PPTC7: variants seen among roughly 807,000 people sequenced by gnomAD.
PPTC7 encodes protein phosphatase targeting COQ7.
A neutral mutation model predicts 30.8 loss-of-function variants in PPTC7; 6 were observed. That is an observed-to-expected ratio of 0.19 (90% CI 0.11 to 0.38). The LOEUF (loss-of-function observed/expected upper bound fraction) is 0.38. PPTC7 is among the 10% of genes least tolerant of loss of function. PPTC7 has a pLI of 1.00. For missense variants in PPTC7, 218 were observed against 404.8 expected, an observed-to-expected ratio of 0.54 and a Z score of 3.96; for synonymous variants, 163 against 168.1, an observed-to-expected ratio of 0.97 and a Z score of 0.23.
At chr12:110,578,543 T>C (rs1275091256) in intron 1 of PPTC7, among the ~76,000 whole-genome samples, 1 of 152,158 alleles carries the variant, frequency 6.6e-6, no homozygotes, top group Non-Finnish European at 1.5e-5. Context: ...TATTAGTCAC[T>C]GCATGACTAA....
intron 1 of PPTC7, 34 bp from the exon 2 acceptor site, chr12:110,552,002 A>C (rs1453346994): frequency 6.4e-7 from 1 of 1,562,966 alleles, no homozygotes; most frequent in East Asian, 2.3e-5. Flanking sequence ...GTAAAAGAAC[A>C]ATCTTACCAA....
intron 1 of PPTC7, among the ~76,000 whole-genome samples, chr12:110,555,407 T>C (rs2064377967): frequency 6.6e-6 from 1 of 152,222 alleles, no homozygotes; most frequent in African/African-American, 2.4e-5. Context: ...GAAAGAAGAC[T>C]GGCCATGAAT....
At chr12:110,580,347 TA>T (rs2064626275) in intron 1 of PPTC7, among the ~76,000 whole-genome samples, 1 of 152,222 alleles carries the variant, frequency 6.6e-6, no homozygotes, top group Non-Finnish European at 1.5e-5. Context: ...AATTTTATTG[TA>T]TTTTTTTTGA....
intron 1 of PPTC7, among the ~76,000 whole-genome samples, chr12:110,582,464 G>A (rs1006404978): frequency 2.6e-5 from 4 of 152,192 alleles, no homozygotes; most frequent in African/African-American, 4.8e-5. Flanking sequence ...GGAGCCTGCA[G>A]GTGTCGCCCA....
intron 1 of PPTC7, 64 bp from the exon 2 acceptor site, chr12:110,552,032 T>A (rs927262458): frequency 7.4e-7 from 1 of 1,358,072 alleles, no homozygotes; most frequent in Non-Finnish European, 1.0e-6. Context: ...AATTCTTACC[T>A]CTGTTTTCTC....
chr12:110,563,971 T>A (rs767714859), intron 1 of PPTC7, among the ~76,000 whole-genome samples: 1 of 152,244 alleles, frequency 6.6e-6, no homozygotes, highest in Non-Finnish European at 1.5e-5. Flanking sequence ...ATGTTCTTCC[T>A]TTAACTTCAA....
At chr12:110,548,215 C>T (rs1448523679) in intron 2 of PPTC7, among the ~76,000 whole-genome samples, 1 of 151,938 alleles carries the variant, frequency 6.6e-6, no homozygotes, top group Non-Finnish European at 1.5e-5. Context: ...TTATTCTATG[C>T]ACACATACAC....
At chr12:110,570,933 T>G (rs984351923) in intron 1 of PPTC7, among the ~76,000 whole-genome samples, 1 of 152,226 alleles carries the variant, frequency 6.6e-6, no homozygotes, top group Admixed American at 6.5e-5. Context: ...CTCTGTGTAT[T>G]TTTCTTTTCC....
chr12:110,564,877 T>TACACGTTATATATATA (rs1288351192), intron 1 of PPTC7, among the ~76,000 whole-genome samples: 8 of 149,494 alleles, frequency 5.4e-5, no homozygotes, highest in African/African-American at 1.5e-4. Flanking sequence ...TATATATACA[T>TACACGTTATATATATA]TGTTTTTTTT....
chr12:110,543,208 A>T (rs2064277117), intron 3 of PPTC7, among the ~76,000 whole-genome samples: 2 of 152,234 alleles, frequency 1.3e-5, no homozygotes, highest in African/African-American at 4.8e-5. Flanking sequence ...ATGAGGATTC[A>T]CACTAAATGC....
chr12:110,564,877 T>C (rs961085130), intron 1 of PPTC7, among the ~76,000 whole-genome samples: 2 of 149,502 alleles, frequency 1.3e-5, no homozygotes, highest in African/African-American at 5.0e-5. Flanking sequence ...TATATATACA[T>C]TGTTTTTTTT....
intron 1 of PPTC7, among the ~76,000 whole-genome samples, chr12:110,562,784 C>A (rs759798094): frequency 6.8e-6 from 1 of 146,488 alleles, no homozygotes; most frequent in Non-Finnish European, 1.5e-5. Context: ...CAAAGCGAGA[C>A]TCTGTCTCAA....
At chr12:110,580,992 C>T (rs2064632384) in intron 1 of PPTC7, among the ~76,000 whole-genome samples, 1 of 152,052 alleles carries the variant, frequency 6.6e-6, no homozygotes, top group Non-Finnish European at 1.5e-5. Context: ...CCTCATGATC[C>T]ACCCGCCTCA....
chr12:110,572,864 T>A lies in PPTC7; in HGVS notation c.223+9945A>T, dbSNP rs548376157. On this transcript the variant is annotated intron_variant, in intron 1 of 5. Coordinates refer to ENST00000354300, the MANE Select transcript of PPTC7 (RefSeq NM_139283.2). Reference sequence around the variant, plus strand: ...CTGGAGGACCTATCGTAATCTTTTTTAAGTTTTTATTTATTTATTTATTTA... The same window carrying A: ...CTGGAGGACCTATCGTAATCTTTTTAAAGTTTTTATTTATTTATTTATTTA... 2.6e-5 allele frequency among the ~76,000 whole-genome samples: 4 copies of A among 151,348 alleles called. No individual in the cohort carries two copies. In the South Asian group the frequency reaches 8.4e-4, roughly 32 times the overall value.
At chr12:110,551,990 C>T (rs377046158) in intron 1 of PPTC7, 22 bp from the exon 2 acceptor site, 129 of 1,588,884 alleles carry the variant, frequency 8.1e-5, no homozygotes, top group Non-Finnish European at 1.1e-4. Context: ...ACAAAAATTA[C>T]AGTAAAAGAA....
intron 1 of PPTC7, among the ~76,000 whole-genome samples, chr12:110,574,550 C>CA (rs1397020640): frequency 9.9e-5 from 15 of 152,220 alleles, no homozygotes; most frequent in Non-Finnish European, 2.2e-4. Context: ...AGATTTTATT[C>CA]AAAAACATTT....
intron 4 of PPTC7, 102 bp downstream of exon 4, chr12:110,539,720 A>T: frequency 9.3e-7 from 1 of 1,078,820 alleles, no homozygotes; most frequent in Non-Finnish European, 1.3e-6. Context: ...TTCACAAAAT[A>T]GTTCTTTCCA....
intron 3 of PPTC7, 60 bp from the exon 4 acceptor site, chr12:110,540,005 T>C (rs1448889428): frequency 4.0e-6 from 6 of 1,506,606 alleles, no homozygotes; most frequent in African/African-American, 1.4e-5. Flanking sequence ...GAGTTGAAAA[T>C]GTCCTACAGG....
At chr12:110,567,648 CA>C (rs1286634848) in intron 1 of PPTC7, among the ~76,000 whole-genome samples, 1 of 152,196 alleles carries the variant, frequency 6.6e-6, no homozygotes, top group Non-Finnish European at 1.5e-5. Flanking sequence ...CTAGCTCAGA[CA>C]ATTTCAGTAG....
Sources: allele counts gnomAD v4.1 joint callset (sites outside exome capture counted in the v4.1 genomes callset), GRCh38; gene constraint gnomAD v4.1.1; transcripts MANE v1.5; gene names NCBI Gene and HGNC (gene_info 2026-07-23, HGNC 2026-07-21).